AP1B1: variants seen among roughly 807,000 people sequenced by gnomAD.
AP1B1 encodes the protein adaptor related protein complex 1 subunit beta 1, also known as AP-1 complex subunit beta-1.
A neutral mutation model predicts 104.3 loss-of-function variants in AP1B1; 36 were observed. The observed-to-expected ratio is 0.35, with a 90% CI of 0.26 to 0.46. AP1B1 has a LOEUF of 0.46. Ranked by LOEUF, AP1B1 falls within the 20% of genes least tolerant of loss-of-function variation. The pLI, the probability that AP1B1 is intolerant of heterozygous loss-of-function variation, is 1.00. For missense variants in AP1B1, 901 were observed against 1,247.9 expected (o/e 0.72, Z 4.19); for synonymous variants, 504 against 517.5 (o/e 0.97, Z 0.35).
chr22:29,371,169 T>A (rs1032902997), intron 1 of AP1B1, among the ~76,000 whole-genome samples: 1 of 152,186 alleles, frequency 6.6e-6, no homozygotes. Flanking sequence ...CTTTCTCCAT[T>A]GTGAGCACCT....
intron 2 of AP1B1, among the ~76,000 whole-genome samples, chr22:29,364,337 T>C (rs2062097973): frequency 6.6e-6 from 1 of 152,214 alleles, no homozygotes; most frequent in Non-Finnish European, 1.5e-5. Flanking sequence ...GGAAGCAGGG[T>C]TGTCTGGCCC....
At chr22:29,333,961 A>G (rs2061599457) in intron 17 of AP1B1, among the ~76,000 whole-genome samples, 1 of 152,212 alleles carries the variant, frequency 6.6e-6, no homozygotes, top group South Asian at 2.1e-4. Context: ...GTTACTCGGG[A>G]GGCTGAGGCG....
intron 11 of AP1B1, among the ~76,000 whole-genome samples, chr22:29,346,506 T>TA (rs1342699902): frequency 1.3e-5 from 2 of 152,208 alleles, no homozygotes; most frequent in Non-Finnish European, 2.9e-5. Flanking sequence ...CAGTTCATAA[T>TA]AGAGTTTGCG....
At chr22:29,342,914 G>A (rs1019623168) in intron 11 of AP1B1, among the ~76,000 whole-genome samples, 1 of 152,112 alleles carries the variant, frequency 6.6e-6, no homozygotes, top group East Asian at 1.9e-4. Context: ...CCCTCATCCT[G>A]GCCAACACCT....
chr22:29,328,727 G>T lies in AP1B1; in HGVS notation c.*94C>A. ...AGCCCACTGAGTGGCCTGGAGCCCC[G>T]CCTGGTCCCTCCTGCGAGGAGGAAG... On this transcript the variant is annotated 3_prime_UTR_variant, in exon 23 of 23. Transcript: ENST00000357586. This position sits in a 1 kb window ranked among gnomAD's most constrained non-coding sequence, Gnocchi z 4.1. The T allele has an allele frequency of 6.8e-7, 1 of 1,464,016 alleles. No individual in the cohort carries two copies. The highest frequency in any genetic ancestry group is 9.2e-7 in the Non-Finnish European group (1 of 1,085,824). 90.7% of individuals were successfully genotyped at this position (1,464,016 alleles called of 1,614,324 possible).
At chr22:29,382,831 C>G (rs181700966) in intron 1 of AP1B1, among the ~76,000 whole-genome samples, 14 of 152,238 alleles carry the variant, frequency 9.2e-5, no homozygotes, top group African/African-American at 3.1e-4. Flanking sequence ...CAGGAAGTCA[C>G]AGGAGAATGC....
chr22:29,331,984 T>C (rs999471086), intron 17 of AP1B1, 68 bp from the exon 18 acceptor site: 6 of 1,465,736 alleles, frequency 4.1e-6, no homozygotes, highest in Non-Finnish European at 5.5e-6. Context: ...GGTGAGCTCC[T>C]CCGACTCGGG....
chr22:29,340,871 G>A lies in AP1B1; in HGVS notation c.1797-14C>T, dbSNP rs746506215. The A allele has an allele frequency of 4.4e-6, 7 of 1,581,636 alleles. No individual in the cohort carries two copies. The African/African-American group carries it at 9.4e-5, about 21-fold the overall frequency. ...GCGCTCTCACTCCTGCCGGGACACA[G>A]AAGTAGGGTGGAGGCATCAGGATGT... On this transcript the variant is annotated splice_polypyrimidine_tract_variant and intron_variant, in intron 13 of 22. Transcript: ENST00000357586.
At chr22:29,379,564 A>T (rs147148608) in intron 1 of AP1B1, among the ~76,000 whole-genome samples, 172 of 152,336 alleles carry the variant, frequency 1.1e-3, no homozygotes, top group African/African-American at 3.9e-3. Flanking sequence ...AAGCATGCAC[A>T]CAGTAAACAA....
At chr22:29,342,437 G>T in intron 11 of AP1B1, 54 bp from the exon 12 acceptor site, 1 of 1,462,742 alleles carries the variant, frequency 6.8e-7, no homozygotes, top group South Asian at 1.2e-5. Flanking sequence ...TGGGGATAGA[G>T]GGAGAACAAA....
In AP1B1 at chr22:29,356,745, G is replaced by A. The variant is rs574954795; in HGVS notation, c.526-129C>T. ...GAATATGACCCAATGGGCAGGGTCT[G>A]GAGCTGCAACGAGACCCACTCCAAG... On this transcript the variant is annotated intron_variant, in intron 5 of 22. Coordinates refer to ENST00000357586, the MANE Select transcript of AP1B1 (RefSeq NM_001127.4). 6.7e-4 allele frequency: 592 copies of A among 889,534 alleles called. 3 individuals carry two copies. Among genetic ancestry groups the A allele is most frequent in the Non-Finnish European group, 2.5e-4 (147 of 591,930 alleles). The allele number at this position is 889,534 out of a possible 1,614,324, so 55.1% of individuals were successfully genotyped here.
chr22:29,337,684 A>C (rs2147947130), intron 16 of AP1B1, among the ~76,000 whole-genome samples: 1 of 152,162 alleles, frequency 6.6e-6, no homozygotes, highest in African/African-American at 2.4e-5. Flanking sequence ...GCCCACACTG[A>C]GCTCTCCTCA....
intron 3 of AP1B1, among the ~76,000 whole-genome samples, chr22:29,362,072 G>GT (rs1171761802): frequency 1.3e-5 from 2 of 152,128 alleles, no homozygotes; most frequent in African/African-American, 4.8e-5. Context: ...GATTACAGGT[G>GT]TGAGCCACCA....
Position 29,328,701 on chromosome 22 carries a change from G to A in AP1B1, c.*120C>T. 2 of 1,264,898 alleles carry A rather than the reference G, an allele frequency of 1.6e-6. No homozygotes were observed. Among genetic ancestry groups the A allele is most frequent in the Non-Finnish European group, 2.2e-6 (2 of 920,532 alleles). 78.4% of individuals were successfully genotyped at this position (1,264,898 alleles called of 1,614,324 possible). On this transcript the variant is annotated 3_prime_UTR_variant, in exon 23 of 23. Coordinates refer to ENST00000357586, the MANE Select transcript of AP1B1 (RefSeq NM_001127.4). This position sits in a 1 kb window ranked among gnomAD's most constrained non-coding sequence, Gnocchi z 4.1. The stretch of plus-strand genomic sequence containing the variant: ...GGTGGGTTCTGCCATCAGGACCAGG[G>A]AGCCCACTGAGTGGCCTGGAGCCCC...
At chr22:29,342,148 G>A in intron 12 of AP1B1, 137 bp downstream of exon 12, 1 of 710,410 alleles carries the variant, frequency 1.4e-6, no homozygotes, top group African/African-American at 1.8e-5. Flanking sequence ...GGGTAACTCT[G>A]GGGCTGGAAG....
At chr22:29,376,494 CA>C in intron 1 of AP1B1, among the ~76,000 whole-genome samples, 1 of 152,320 alleles carries the variant, frequency 6.6e-6, no homozygotes, top group African/African-American at 2.4e-5. Context: ...CAAGGACATT[CA>C]AGCAGGGAAA....
At chr22:29,366,020 C>G (rs2062129990) in intron 2 of AP1B1, among the ~76,000 whole-genome samples, 1 of 152,156 alleles carries the variant, frequency 6.6e-6, no homozygotes, top group Non-Finnish European at 1.5e-5. Context: ...TGATGAGGGG[C>G]AGACTTCGGG....
At chr22:29,335,094 C>T (rs1385901833) in intron 16 of AP1B1, among the ~76,000 whole-genome samples, 5 of 152,152 alleles carry the variant, frequency 3.3e-5, no homozygotes, top group South Asian at 2.1e-4. Flanking sequence ...TCAGAGAGCT[C>T]GCTGAGGGAA....
intron 2 of AP1B1, among the ~76,000 whole-genome samples, chr22:29,364,485 C>A: frequency 6.6e-6 from 1 of 152,202 alleles, no homozygotes; most frequent in East Asian, 1.9e-4. Context: ...GTGGCCCCAT[C>A]TCAGCTCACT....
Sources: allele counts gnomAD v4.1 joint callset (sites outside exome capture counted in the v4.1 genomes callset), GRCh38; gene constraint gnomAD v4.1.1; non-coding constraint Gnocchi (gnomAD v3.1); transcripts MANE v1.5; gene names NCBI Gene and HGNC (gene_info 2026-07-23, HGNC 2026-07-21).